The following ACTN1 variants were observed in gnomAD, a reference collection of about 807,000 sequenced individuals.
ACTN1 encodes the protein alpha-actinin-1.
In ACTN1, 30 loss-of-function variants were observed where a neutral mutation model predicts 119.6. The ratio of observed to expected loss-of-function variants is 0.25; its 90% CI spans 0.19 to 0.34. ACTN1 has a LOEUF of 0.34. Among genes scored for constraint, ACTN1 ranks in the 10% least tolerant of loss-of-function variants. The probability of loss-of-function intolerance (pLI) is 1.00; values close to 1 mark genes in which losing one functional copy is unlikely to be tolerated. For missense variants in ACTN1, 764 were observed against 1,223.4 expected (o/e 0.62, Z 5.60); for synonymous variants, 429 against 472.6 (o/e 0.91, Z 1.20).
chr14:68,916,021 A>G (rs979719669), intron 3 of ACTN1, among the ~76,000 whole-genome samples: 1 of 152,252 alleles, frequency 6.6e-6, no homozygotes, highest in Non-Finnish European at 1.5e-5. Flanking sequence ...TCAAAAAAAC[A>G]AAACAAAAAA....
chr14:68,878,895 G>A lies in ACTN1; in HGVS notation c.2361+94C>T. The A allele has an allele frequency of 6.2e-7, 1 of 1,602,190 alleles. No individual in the cohort carries two copies. On this transcript the variant is annotated intron_variant, in intron 19 of 21. Transcript: ENST00000394419. This position sits in a 1 kb window ranked among gnomAD's most constrained non-coding sequence, Gnocchi z 4.4. Reference sequence around the variant, plus strand: ...CCCCATGGCCCACAGGAGGGGGACAGGAGATCCAGACAGAGAGAAGAGAAA... The same window carrying A: ...CCCCATGGCCCACAGGAGGGGGACAAGAGATCCAGACAGAGAGAAGAGAAA...
At chr14:68,923,112 T>C (rs537837786) in intron 2 of ACTN1, among the ~76,000 whole-genome samples, 4 of 152,318 alleles carry the variant, frequency 2.6e-5, no homozygotes, top group African/African-American at 9.6e-5. Context: ...CTGGGTATCA[T>C]GAGGACAAGC....
rs1435204509 is a variant in ACTN1 at position 68,909,938 on chromosome 14, C to T, written c.515+17G>A. The stretch of plus-strand genomic sequence containing the variant: ...GCAGCCTGGTTCTGTGAGAGCCCCT[C>T]AGACCCCAGCACTCACCTTATGTGG... On this transcript the variant is annotated intron_variant, in intron 5 of 21. Transcript: ENST00000394419. This position sits in a 1 kb window ranked among gnomAD's most constrained non-coding sequence, Gnocchi z 4.1. 2 of 1,611,106 alleles carry T rather than the reference C, an allele frequency of 1.2e-6. No individual in the cohort carries two copies. The highest frequency in any genetic ancestry group is 1.7e-6 in the Non-Finnish European group (2 of 1,177,562).
Position 68,879,150 on chromosome 14 carries a change from G to A in ACTN1, c.2281-81C>T. The A allele has an allele frequency of 7.6e-7, 1 of 1,308,920 alleles. No homozygotes were observed. Among genetic ancestry groups the A allele is most frequent in the African/African-American group, 1.5e-5 (1 of 66,346 alleles). 81.1% of individuals were successfully genotyped at this position (1,308,920 alleles called of 1,614,324 possible). ...TGAGGGGGGCATGCCCCGGGGGAGG[G>A]TGGCGTGTGTGGGGAGACACAGGGA... On this transcript the variant is annotated intron_variant, in intron 18 of 21. Transcript: ENST00000394419. The surrounding 1 kb of genome is among the most constrained non-coding windows in gnomAD (Gnocchi z 4.9).
intron 1 of ACTN1, among the ~76,000 whole-genome samples, chr14:68,939,852 T>G (rs1255226307): frequency 6.6e-6 from 1 of 152,194 alleles, no homozygotes; most frequent in Non-Finnish European, 1.5e-5. Context: ...CTAAGCCTTT[T>G]ATATCAAGAC....
chr14:68,951,664 C>T (rs991628352), intron 1 of ACTN1, among the ~76,000 whole-genome samples: 7 of 152,122 alleles, frequency 4.6e-5, no homozygotes, highest in Non-Finnish European at 1.0e-4. Flanking sequence ...CTGTAAAAGC[C>T]GGGTGATGGG....
In ACTN1 at chr14:68,978,935, C is replaced by A. The variant is rs758063768; in HGVS notation, c.105+17G>T. On this transcript the variant is annotated intron_variant, in intron 1 of 21. Coordinates refer to ENST00000394419, the MANE Select transcript of ACTN1 (RefSeq NM_001130004.2). The stretch of plus-strand genomic sequence containing the variant: ...GCTGGGGGCTGGGGGCTGCAGCGGG[C>A]GGGGGCGGCTGCTAACCTTTCTCTG... 3.0e-6 allele frequency: 4 copies of A among 1,339,770 alleles called. No individual in the cohort carries two copies. Among genetic ancestry groups the A allele is most frequent in the Non-Finnish European group, 3.1e-6 (3 of 966,920 alleles). 83.0% of individuals were successfully genotyped at this position (1,339,770 alleles called of 1,614,324 possible).
chr14:68,911,997 A>G (rs2034039311), intron 4 of ACTN1, among the ~76,000 whole-genome samples, 159 bp downstream of exon 4: 1 of 152,170 alleles, frequency 6.6e-6, no homozygotes, highest in Non-Finnish European at 1.5e-5. Flanking sequence ...TTTTTTCTAC[A>G]TTGACTGGAG....
rs922909865 is a variant in ACTN1 at position 68,878,687 on chromosome 14, C to T, written c.2362-164G>A. On this transcript the variant is annotated intron_variant, in intron 19 of 21. Transcript: ENST00000394419. This position sits in a 1 kb window ranked among gnomAD's most constrained non-coding sequence, Gnocchi z 4.4. ...AGGAACATAGGAGAAGATGCGAACA[C>T]ACATCGGTGGAAATGTCCAAAGACA... 3 of 1,538,880 alleles carry T rather than the reference C, an allele frequency of 1.9e-6. No homozygotes were observed. The African/African-American group carries it at 4.1e-5, about 21-fold the overall frequency.
At chr14:68,976,397 C>G (rs1278821314) in intron 1 of ACTN1, among the ~76,000 whole-genome samples, 2 of 152,178 alleles carry the variant, frequency 1.3e-5, no homozygotes, top group Non-Finnish European at 2.9e-5. Context: ...GTTTACCTTA[C>G]GTCTTATCCC....
At chr14:68,902,280 TGA>T (rs554835633) in intron 8 of ACTN1, among the ~76,000 whole-genome samples, 195 bp downstream of exon 8, 245 of 151,978 alleles carry the variant, frequency 1.6e-3, no homozygotes, top group African/African-American at 5.7e-3. Flanking sequence ...CAGTAGAAGA[TGA>T]GAGAGAGAGG....
At chr14:68,978,482 C>T (rs1048411180) in intron 1 of ACTN1, 13 of 324,202 alleles carry the variant, frequency 4.0e-5, no homozygotes, top group African/African-American at 2.5e-4. Flanking sequence ...GGAGGCCCGC[C>T]GCTCAGGTTG....
At chr14:68,938,342 G>C (rs960190012) in intron 1 of ACTN1, among the ~76,000 whole-genome samples, 1 of 152,160 alleles carries the variant, frequency 6.6e-6, no homozygotes, top group African/African-American at 2.4e-5. Context: ...GAGATTCAGA[G>C]TAGGGGGGAC....
At chr14:68,959,826 C>A (rs1057089045) in intron 1 of ACTN1, among the ~76,000 whole-genome samples, 2 of 152,114 alleles carry the variant, frequency 1.3e-5, no homozygotes, top group African/African-American at 4.8e-5. Context: ...TAAGAGGCAA[C>A]GACCCTCACA....
intron 11 of ACTN1, among the ~76,000 whole-genome samples, chr14:68,888,829 T>A (rs2032241267): frequency 6.6e-6 from 1 of 152,132 alleles, no homozygotes; most frequent in Non-Finnish European, 1.5e-5. Context: ...TGATCTGAAG[T>A]AGAACAGTCA....
chr14:68,930,012 G>A (rs2035147095), intron 1 of ACTN1, among the ~76,000 whole-genome samples: 1 of 152,240 alleles, frequency 6.6e-6, no homozygotes, highest in Non-Finnish European at 1.5e-5. Flanking sequence ...TTCTGTACAG[G>A]TCTCATAGCC....
intron 1 of ACTN1, among the ~76,000 whole-genome samples, chr14:68,937,528 A>C (rs1472385280): frequency 6.6e-6 from 1 of 152,210 alleles, no homozygotes; most frequent in Non-Finnish European, 1.5e-5. Flanking sequence ...ATCTTAAAGA[A>C]AGTCATAATT....
intron 1 of ACTN1, among the ~76,000 whole-genome samples, chr14:68,936,023 C>A (rs2035486259): frequency 6.6e-6 from 1 of 152,238 alleles, no homozygotes; most frequent in Non-Finnish European, 1.5e-5. Context: ...GGCGTGTGAC[C>A]TCAGATAAGT....
chr14:68,928,961 G>A (rs899410186), intron 1 of ACTN1, among the ~76,000 whole-genome samples: 1 of 151,600 alleles, frequency 6.6e-6, no homozygotes, highest in African/African-American at 2.4e-5. Flanking sequence ...TGGGAGAGGG[G>A]TGGAACTGTG....
Sources: gnomAD v4.1 joint callset for allele counts (sites outside exome capture counted in the v4.1 genomes callset) on GRCh38, gnomAD v4.1.1 for gene constraint, Gnocchi (gnomAD v3.1) non-coding constraint, MANE v1.5 for transcripts, NCBI Gene and HGNC (gene_info 2026-07-23, HGNC 2026-07-21) for gene names.